Variants in HPSE2 observed in about 807,000 individuals in gnomAD.
HPSE2 encodes heparanase 2 (inactive), also known as inactive heparanase-2.
HPSE2 carries 38 observed loss-of-function variants against 60.5 expected under a neutral mutation model. The observed-to-expected ratio is 0.63, with a 90% CI of 0.48 to 0.82. The LOEUF is 0.82. Ranked by LOEUF, HPSE2 falls within the 40% of genes least tolerant of loss-of-function variation. The pLI is 0.00. For synonymous variants in HPSE2, 295 were observed against 293.2 expected, an observed-to-expected ratio of 1.01 and a Z score of -0.06; for missense variants, 713 against 740.4, an observed-to-expected ratio of 0.96 and a Z score of 0.43.
intron 9 of HPSE2, among the ~76,000 whole-genome samples, chr10:98,596,780 C>G (rs1564998641): frequency 6.6e-6 from 1 of 152,090 alleles, no homozygotes; most frequent in Non-Finnish European, 1.5e-5. Context: ...CTTTCAATAA[C>G]TACTTTTTGT....
chr10:98,544,906 G>C (rs1943613014), intron 9 of HPSE2, among the ~76,000 whole-genome samples: 1 of 152,096 alleles, frequency 6.6e-6, no homozygotes, highest in Middle Eastern at 3.4e-3. Flanking sequence ...TAGACTGCTA[G>C]CAAGACTAAT....
the HPSE2 span, among the ~76,000 whole-genome samples, chr10:99,297,615 T>C: frequency 1.3e-5 from 2 of 152,312 alleles, no homozygotes; most frequent in East Asian, 3.9e-4. Flanking sequence ...TTTAACTTTC[T>C]GTTAATTGTG....
chr10:98,605,009 G>C (rs1021384569), intron 9 of HPSE2, among the ~76,000 whole-genome samples: 1 of 152,182 alleles, frequency 6.6e-6, no homozygotes, highest in Non-Finnish European at 1.5e-5. Context: ...CCTGGGGTAA[G>C]GAGCCTTCTC....
At chr10:98,593,695 C>G (rs530374698) in intron 9 of HPSE2, among the ~76,000 whole-genome samples, 23 of 152,230 alleles carry the variant, frequency 1.5e-4, no homozygotes, top group African/African-American at 5.5e-4. Context: ...GATATGAAGA[C>G]AGGGTAGGCT....
At position 98,994,022 on chromosome 10, in the gene HPSE2, C is replaced by A. The variant is rs551695166; in HGVS notation, c.610+150216G>T. 1.4e-3 allele frequency among the ~76,000 whole-genome samples: 216 copies of A among 152,276 alleles called. 1 individual carries two copies. Among genetic ancestry groups the A allele is most frequent in the Middle Eastern group, 3.4e-3 (1 of 294 alleles). On this transcript the variant is annotated intron_variant, in intron 3 of 11. Coordinates refer to ENST00000370552, the MANE Select transcript of HPSE2 (RefSeq NM_021828.5). ...CCATGTTGGTAGCCACACTGAAGTT[C>A]ACTATTATATTTCTTTCTGCCAGAA...
At chr10:99,019,713 G>T (rs922758544) in intron 3 of HPSE2, among the ~76,000 whole-genome samples, 1 of 143,426 alleles carries the variant, frequency 7.0e-6, no homozygotes, top group Non-Finnish European at 1.5e-5. Flanking sequence ...TTAGTTTTTT[G>T]TTGTTTTTTT....
chr10:98,542,041 C>A (rs1196753494), intron 9 of HPSE2, among the ~76,000 whole-genome samples: 1 of 146,976 alleles, frequency 6.8e-6, no homozygotes. Context: ...GACCCCTGAC[C>A]CCTGACCCCC....
intron 2 of HPSE2, among the ~76,000 whole-genome samples, chr10:99,177,070 C>T (rs1285524502): frequency 2.0e-5 from 3 of 152,086 alleles, no homozygotes; most frequent in East Asian, 3.9e-4. Flanking sequence ...CAAGCAAATG[C>T]GCAGAGATTT....
chr10:98,889,816 A>G (rs368560899), intron 3 of HPSE2, among the ~76,000 whole-genome samples: 12 of 152,200 alleles, frequency 7.9e-5, no homozygotes, highest in African/African-American at 2.6e-4. Context: ...AATTAACAAA[A>G]CTTACAGAGT....
rs141833206 is a variant in HPSE2, at chr10:98,502,972, G to C, written c.1321-12776C>G. Among the ~76,000 whole-genome samples the C allele has an allele frequency of 2.5e-3, 377 of 152,284 alleles. 2 individuals carry two copies. Among genetic ancestry groups the C allele is most frequent in the African/African-American group, 8.6e-3 (358 of 41,564 alleles). On this transcript the variant is annotated intron_variant, in intron 9 of 11. Transcript: ENST00000370552. ...CACGCCTGTAATCCCAGCAGTTTGG[G>C]AGGCCGAGGCGGGTGGATCACCTGA...
chr10:98,618,215 T>A (rs1048293337), intron 8 of HPSE2, among the ~76,000 whole-genome samples: 6 of 152,156 alleles, frequency 3.9e-5, no homozygotes, highest in African/African-American at 1.4e-4. Context: ...AAGCATTGGA[T>A]ATCTGAATTA....
intron 6 of HPSE2, among the ~76,000 whole-genome samples, chr10:98,647,998 A>G (rs1349194564): frequency 6.6e-6 from 1 of 152,210 alleles, no homozygotes; most frequent in Non-Finnish European, 1.5e-5. Context: ...GAAAAATAGT[A>G]CAGGTAAAGG....
At chr10:98,633,387 G>T (rs1177735760) in intron 7 of HPSE2, among the ~76,000 whole-genome samples, 1 of 151,850 alleles carries the variant, frequency 6.6e-6, no homozygotes, top group Non-Finnish European at 1.5e-5. Context: ...CTTTTTTTGT[G>T]TGTGTGTGTA....
chr10:99,072,648 G>A (rs1052285702), intron 3 of HPSE2, among the ~76,000 whole-genome samples: 13 of 151,946 alleles, frequency 8.6e-5, no homozygotes, highest in South Asian at 6.2e-4. Context: ...AAAGTCAGCC[G>A]GGCATGGCGG....
At chr10:98,973,480 ATCCTCAAAGAATT>A (rs1459646811) in intron 3 of HPSE2, among the ~76,000 whole-genome samples, 2 of 152,216 alleles carry the variant, frequency 1.3e-5, no homozygotes, top group Non-Finnish European at 2.9e-5. Flanking sequence ...CCATCTGAGA[ATCCTCAAAGAATT>A]TCCTGCCTGC....
intron 3 of HPSE2, among the ~76,000 whole-genome samples, chr10:99,134,901 A>C (rs1276267861): frequency 6.6e-6 from 1 of 152,356 alleles, no homozygotes; most frequent in East Asian, 1.9e-4. Flanking sequence ...TAAATGCCCC[A>C]ATTAAAAGAC....
chr10:98,755,131 A>T (rs1014528960), intron 3 of HPSE2, among the ~76,000 whole-genome samples: 3 of 152,126 alleles, frequency 2.0e-5, no homozygotes, highest in Non-Finnish European at 4.4e-5. Context: ...CAGGAGACCC[A>T]TCTCACATGC....
intron 2 of HPSE2, among the ~76,000 whole-genome samples, chr10:99,186,048 AC>A (rs1847995874): frequency 6.6e-6 from 1 of 151,716 alleles, no homozygotes; most frequent in Non-Finnish European, 1.5e-5. Context: ...TTAGTGACAG[AC>A]AATAAACCAT....
chr10:99,014,686 G>A (rs1016400610), intron 3 of HPSE2, among the ~76,000 whole-genome samples: 18 of 152,004 alleles, frequency 1.2e-4, no homozygotes, highest in African/African-American at 3.9e-4. Flanking sequence ...TTTGATATGC[G>A]TTTCTCTAGT....
Sources: gnomAD v4.1 joint callset for allele counts (sites outside exome capture counted in the v4.1 genomes callset) on GRCh38, gnomAD v4.1.1 for gene constraint, MANE v1.5 for transcripts, NCBI Gene and HGNC (gene_info 2026-07-23, HGNC 2026-07-21) for gene names.